Variants in EDARADD observed in about 807,000 individuals in gnomAD.
The protein encoded by EDARADD is ectodysplasin-A receptor-associated adapter protein.
EDARADD carries 20 observed loss-of-function variants against 25.6 expected under a neutral mutation model. The ratio of observed to expected loss-of-function variants is 0.78; its 90% CI spans 0.55 to 1.14. The LOEUF (loss-of-function observed/expected upper bound fraction) is 1.14, where lower values mean the gene tolerates loss of function less well. Ranked by LOEUF, EDARADD falls within the 50% of genes most tolerant of loss-of-function variation. EDARADD has a pLI of 0.00. For missense variants in EDARADD, 225 were observed against 270.1 expected, an observed-to-expected ratio of 0.83 and a Z score of 1.17; for synonymous variants, 86 against 94.4, an observed-to-expected ratio of 0.91 and a Z score of 0.52.
chr1:236,414,157 A>G (rs1657573636), intron 2 of EDARADD, 103 bp from the exon 3 acceptor site: 14 of 976,494 alleles, frequency 1.4e-5, no homozygotes, highest in South Asian at 3.9e-5. Context: ...AACATTTTCA[A>G]GTTTTTAATT....
chr1:236,455,075 T>A (rs1185966384), intron 4 of EDARADD, among the ~76,000 whole-genome samples: 1 of 152,130 alleles, frequency 6.6e-6, no homozygotes, highest in Non-Finnish European at 1.5e-5. Flanking sequence ...CTGGGCGTGG[T>A]GGCGGGCGCC....
At chr1:236,463,512 C>T (rs995685194) in intron 4 of EDARADD, among the ~76,000 whole-genome samples, 3 of 152,202 alleles carry the variant, frequency 2.0e-5, no homozygotes, top group East Asian at 1.9e-4. Context: ...AGGTTGGTCT[C>T]GAACTCCCGA....
intron 1 of EDARADD, among the ~76,000 whole-genome samples, chr1:236,401,906 G>C (rs1234754378): frequency 6.6e-6 from 1 of 152,102 alleles, no homozygotes; most frequent in Non-Finnish European, 1.5e-5. Flanking sequence ...AGGGGAAATG[G>C]GACACACAGA....
rs1328349535 is a variant in EDARADD, at chr1:236,362,959, A to G, written c.-6+12120A>G. Among the ~76,000 whole-genome samples, 3 of 129,596 alleles carry G rather than the reference A, an allele frequency of 2.3e-5. No homozygotes were observed. In the Admixed American group the frequency reaches 2.6e-4, roughly 11 times the overall value. The allele number at this position is 129,596 out of a possible 152,430, so 85.0% of individuals were successfully genotyped here. On this transcript the variant is annotated intron_variant, in intron 3 of 7. Coordinates refer to the EDARADD transcript ENST00000439430. ...GGTCAGAGAATCGCTTGAGCCCAGG[A>G]GTTCAAGACTCTGTCTTCTTTTTTT... is the stretch of plus-strand genomic sequence containing the variant.
At chr1:236,427,891 G>C (rs1013923373) in intron 4 of EDARADD, among the ~76,000 whole-genome samples, 7 of 151,678 alleles carry the variant, frequency 4.6e-5, no homozygotes, top group Non-Finnish European at 5.9e-5. Flanking sequence ...TTTCCAAAAA[G>C]GAAATATGTT....
At chr1:236,434,976 T>C (rs1394927118) in intron 4 of EDARADD, among the ~76,000 whole-genome samples, 1 of 152,086 alleles carries the variant, frequency 6.6e-6, no homozygotes, top group Non-Finnish European at 1.5e-5. Flanking sequence ...TGAGTTTTCT[T>C]TGTTGGTTGG....
intron 2 of EDARADD, among the ~76,000 whole-genome samples, chr1:236,412,923 C>T (rs922745213): frequency 1.3e-5 from 2 of 152,210 alleles, no homozygotes; most frequent in Non-Finnish European, 2.9e-5. Context: ...GGCTGGAGTG[C>T]GATGGCACGA....
chr1:236,429,526 C>T (rs1239111663), intron 4 of EDARADD, among the ~76,000 whole-genome samples: 22 of 150,136 alleles, frequency 1.5e-4, no homozygotes, highest in Admixed American at 1.3e-3. Flanking sequence ...TACAGGCGCC[C>T]GCCACCATGA....
intron 4 of EDARADD, among the ~76,000 whole-genome samples, chr1:236,462,600 A>G (rs1202810771): frequency 1.3e-5 from 2 of 151,856 alleles, no homozygotes; most frequent in Non-Finnish European, 2.9e-5. Flanking sequence ...CTGATATTAA[A>G]TCTCAGGTGT....
At chr1:236,367,574 A>G (rs143896000) in intron 3 of EDARADD, among the ~76,000 whole-genome samples, 11 of 152,194 alleles carry the variant, frequency 7.2e-5, no homozygotes, top group African/African-American at 2.6e-4. Context: ...TATGTTGCTC[A>G]GGCTGGTCTC....
At chr1:236,418,281 G>A (rs1657695259) in intron 3 of EDARADD, among the ~76,000 whole-genome samples, 1 of 148,444 alleles carries the variant, frequency 6.7e-6, no homozygotes, top group South Asian at 2.1e-4. Context: ...GTCTTGCTCT[G>A]TCACCCAGGC....
At chr1:236,428,357 C>T (rs1657982854) in intron 4 of EDARADD, among the ~76,000 whole-genome samples, 1 of 152,216 alleles carries the variant, frequency 6.6e-6, no homozygotes, top group African/African-American at 2.4e-5. Context: ...AATGGAGTCT[C>T]CTATGTCTAC....
chr1:236,457,421 G>A (rs1043612009), intron 4 of EDARADD, among the ~76,000 whole-genome samples: 2 of 151,798 alleles, frequency 1.3e-5, no homozygotes. Context: ...AGACTGAGGT[G>A]GGAGGATGGC....
chr1:236,447,447 G>A (rs914737633), intron 4 of EDARADD, among the ~76,000 whole-genome samples: 27 of 151,886 alleles, frequency 1.8e-4, no homozygotes, highest in African/African-American at 6.3e-4. Flanking sequence ...GTAGAGACAG[G>A]GTTTTGCCAT....
At chr1:236,379,716 G>T (rs1034883197) in intron 3 of EDARADD, among the ~76,000 whole-genome samples, 6 of 152,008 alleles carry the variant, frequency 3.9e-5, no homozygotes, top group Non-Finnish European at 7.4e-5. Flanking sequence ...GGGGGTGGAG[G>T]CTGCAGTGAG....
intron 3 of EDARADD, among the ~76,000 whole-genome samples, chr1:236,367,084 C>CAAAAAA (rs753983803): frequency 8.1e-5 from 5 of 61,920 alleles, no homozygotes; most frequent in African/African-American, 1.3e-4. Context: ...ACTCCATCGC[C>CAAAAAA]AAAAAAAAAA....
At chr1:236,357,433 G>A (rs639847) in intron 3 of EDARADD, among the ~76,000 whole-genome samples, 51,906 of 151,972 alleles carry the variant, frequency 0.34, 9,106 homozygotes, top group African/African-American at 0.42. Flanking sequence ...TTATCTTTCA[G>A]TTGTTCTGTC....
chr1:236,474,704 C>T (rs1659454485), intron 5 of EDARADD, among the ~76,000 whole-genome samples: 1 of 152,188 alleles, frequency 6.6e-6, no homozygotes, highest in Non-Finnish European at 1.5e-5. Context: ...ACAACAATAA[C>T]AAATCTACCT....
At chr1:236,413,090 C>G (rs1657540758) in intron 2 of EDARADD, among the ~76,000 whole-genome samples, 2 of 152,194 alleles carry the variant, frequency 1.3e-5, no homozygotes, top group Non-Finnish European at 2.9e-5. Context: ...TCTTGAACTT[C>G]TGATCTCAGG....
Sources: allele counts gnomAD v4.1 joint callset (sites outside exome capture counted in the v4.1 genomes callset), GRCh38; gene constraint gnomAD v4.1.1; transcripts MANE v1.5; gene names NCBI Gene and HGNC (gene_info 2026-07-23, HGNC 2026-07-21).